TANK: variants seen among roughly 807,000 people sequenced by gnomAD.
The protein encoded by TANK is TRAF family member-associated NF-kappa-B activator.
TANK carries 15 observed loss-of-function variants against 43.6 expected under a neutral mutation model. The observed-to-expected ratio is 0.34, with a 90% CI of 0.23 to 0.53. TANK has a LOEUF of 0.53. Among genes scored for constraint, TANK ranks in the 20% least tolerant of loss-of-function variants. TANK has a pLI of 0.94. For missense variants in TANK, 417 were observed against 498.6 expected (o/e 0.84, Z 1.56); for synonymous variants, 162 against 178.2 (o/e 0.91, Z 0.73).
upstream of TANK, chr2:161,156,179 T>C: frequency 1.0e-6 from 1 of 985,428 alleles, no homozygotes; most frequent in Non-Finnish European, 1.2e-6. Context: ...TTCTACCATT[T>C]CCTTTAATGG....
intron 1 of TANK, among the ~76,000 whole-genome samples, chr2:161,170,977 A>C (rs982605856): frequency 6.6e-6 from 1 of 152,230 alleles, no homozygotes; most frequent in Non-Finnish European, 1.5e-5. Context: ...TATCATTTGC[A>C]ATCTTTATTT....
At chr2:161,208,078 G>A in intron 4 of TANK, 2 of 879,802 alleles carry the variant, frequency 2.3e-6, no homozygotes, top group African/African-American at 3.6e-5. Flanking sequence ...TGTTTGGTGG[G>A]TGGTTTGAGG....
chr2:161,149,741 TG>T (rs778974662), intron 1 of TANK, among the ~76,000 whole-genome samples: 1,133 of 59,874 alleles, frequency 0.019, 7 homozygotes, highest in Non-Finnish European at 0.03. Flanking sequence ...GATAATCATG[TG>T]GGTTTTTTTT....
At chr2:161,229,700 A>G (rs1489750861) in intron 6 of TANK, among the ~76,000 whole-genome samples, 1 of 152,222 alleles carries the variant, frequency 6.6e-6, no homozygotes, top group African/African-American at 2.4e-5. Context: ...AAAGGAACTG[A>G]CATTTGTTAA....
intron 2 of TANK, among the ~76,000 whole-genome samples, chr2:161,185,826 A>G (rs573226195): frequency 9.9e-5 from 15 of 152,210 alleles, no homozygotes; most frequent in Non-Finnish European, 2.1e-4. Flanking sequence ...ACTAACCTGC[A>G]CAATGTGCAC....
At chr2:161,147,787 GTC>G (rs2105222425) in intron 1 of TANK, among the ~76,000 whole-genome samples, 1 of 152,276 alleles carries the variant, frequency 6.6e-6, no homozygotes, top group Admixed American at 6.5e-5. Flanking sequence ...TTCTTAAACT[GTC>G]TTTTTTTACT....
intron 1 of TANK, chr2:161,161,314 A>C: frequency 6.4e-7 from 1 of 1,550,634 alleles, no homozygotes; most frequent in South Asian, 1.2e-5. Context: ...ATAATAAGGG[A>C]GAGATGGTAG....
chr2:161,212,143 C>T, intron 4 of TANK: 1 of 356,162 alleles, frequency 2.8e-6, no homozygotes, highest in South Asian at 1.2e-4. Flanking sequence ...TCACTGCAAC[C>T]TCCACCTCCC....
Position 161,235,703 on chromosome 2 carries a change from A to G in TANK, c.*185A>G. 2.1e-6 allele frequency: 1 copy of G among 469,248 alleles called. No homozygotes were observed. The highest frequency in any genetic ancestry group is 3.6e-6 in the Non-Finnish European group (1 of 278,970). The allele number at this position is 469,248 out of a possible 1,614,324, so 29.1% of individuals were successfully genotyped here. ...TTTAAAAGATCATTCTGTTCTTTCA[A>G]GGAGAAATAAGCCTAAAAGAAGAAA... On this transcript the variant is annotated 3_prime_UTR_variant, in exon 8 of 8. Transcript: ENST00000392749.
At chr2:161,219,941 G>C (rs1574056363) in intron 4 of TANK, 1 of 277,488 alleles carries the variant, frequency 3.6e-6, no homozygotes, top group East Asian at 1.1e-4. Flanking sequence ...CTATTCCATA[G>C]TTTATATTCC....
intron 2 of TANK, among the ~76,000 whole-genome samples, chr2:161,185,983 T>G (rs1218510984): frequency 6.6e-6 from 1 of 152,190 alleles, no homozygotes; most frequent in East Asian, 1.9e-4. Flanking sequence ...AATTTTTCAG[T>G]GATTTCTATA....
intron 6 of TANK, 28 bp from the exon 7 acceptor site, chr2:161,230,943 T>C (rs779285076): frequency 6.4e-7 from 1 of 1,555,560 alleles, no homozygotes; most frequent in East Asian, 2.2e-5. Context: ...AATGCGGCTG[T>C]TTCTCTTTTG....
chr2:161,211,659 G>T, intron 4 of TANK: 2 of 428,592 alleles, frequency 4.7e-6, no homozygotes, highest in Non-Finnish European at 6.2e-6. Flanking sequence ...GTAATTGCAT[G>T]TGTTTGTTAC....
chr2:161,205,975 T>A (rs912705144), intron 4 of TANK, among the ~76,000 whole-genome samples: 6 of 152,158 alleles, frequency 3.9e-5, no homozygotes, highest in African/African-American at 1.4e-4. Flanking sequence ...AAACATAACA[T>A]TAATGTTTGT....
At chr2:161,188,280 T>C (rs1046207353) in intron 2 of TANK, among the ~76,000 whole-genome samples, 6 of 151,758 alleles carry the variant, frequency 4.0e-5, no homozygotes, top group African/African-American at 7.3e-5. Context: ...GATCAAGAAA[T>C]GTGACAAACC....
At chr2:161,199,626 A>G (rs1206906703) in intron 2 of TANK, among the ~76,000 whole-genome samples, 2 of 152,192 alleles carry the variant, frequency 1.3e-5, no homozygotes. Context: ...TTTAAAATAA[A>G]CTTTTTGCTT....
Position 161,137,075 on chromosome 2 carries a change from T to G in TANK, c.-50+12T>G. Reference sequence around the variant, plus strand: ...AACCTGGAGAAGAGGTAATCTAATTTCAATAGTTCCTACTGATTCTTAACC... The same window carrying G: ...AACCTGGAGAAGAGGTAATCTAATTGCAATAGTTCCTACTGATTCTTAACC... On this transcript the variant is annotated intron_variant, in intron 1 of 7. Coordinates refer to the TANK transcript ENST00000259075. 1.9e-5 allele frequency: 19 copies of G among 985,458 alleles called. 1 individual carries two copies. Among genetic ancestry groups the G allele is most frequent in the Middle Eastern group, 1.0e-3 (2 of 1,914 alleles). The allele number at this position is 985,458 out of a possible 1,614,324, so 61.0% of individuals were successfully genotyped here. A position where few individuals can be genotyped will look rare whatever the true frequency, so the allele number is the denominator to read the frequency against.
chr2:161,171,193 T>C (rs1684924147), intron 1 of TANK, among the ~76,000 whole-genome samples: 1 of 152,176 alleles, frequency 6.6e-6, no homozygotes, highest in South Asian at 2.1e-4. Flanking sequence ...AAGTTTGGAA[T>C]GTTGATCTGT....
chr2:161,160,305 C>T, upstream of TANK: 1 of 638,406 alleles, frequency 1.6e-6, no homozygotes. Context: ...GCAGAAGAGC[C>T]CTGGGCTGGG....
Sources: allele counts gnomAD v4.1 joint callset (sites outside exome capture counted in the v4.1 genomes callset), GRCh38; gene constraint gnomAD v4.1.1; transcripts MANE v1.5; gene names NCBI Gene and HGNC (gene_info 2026-07-23, HGNC 2026-07-21).